Variants in SGCZ observed in about 807,000 individuals in gnomAD.
SGCZ encodes the protein sarcoglycan zeta.
Under a neutral mutation model 41.3 loss-of-function variants are expected in SGCZ, and 40 were observed. The ratio of observed to expected loss-of-function variants is 0.97; its 90% confidence interval spans 0.75 to 1.26. The LOEUF (loss-of-function observed/expected upper bound fraction) is 1.26. Among genes scored for constraint, SGCZ ranks in the 50% most tolerant of loss-of-function variants. SGCZ has a pLI of 0.00. For missense variants in SGCZ, 552 were observed against 369.8 expected, an observed-to-expected ratio of 1.49 and a Z score of -4.04; for synonymous variants, 206 against 137.5, an observed-to-expected ratio of 1.50 and a Z score of -3.49.
chr8:15,085,796 AT>A (rs1252170139), intron 1 of SGCZ, among the ~76,000 whole-genome samples: 2 of 152,022 alleles, frequency 1.3e-5, no homozygotes, highest in African/African-American at 2.4e-5. Context: ...TCCTGTCTAC[AT>A]TTTGCCAAGT....
intron 1 of SGCZ, among the ~76,000 whole-genome samples, chr8:14,754,940 A>C (rs1216122294): frequency 2.0e-5 from 3 of 152,128 alleles, no homozygotes; most frequent in Non-Finnish European, 4.4e-5. Flanking sequence ...CATTTTGCCC[A>C]GAATGGTCTC....
intron 1 of SGCZ, among the ~76,000 whole-genome samples, chr8:14,984,869 C>T (rs1189139645): frequency 1.3e-5 from 2 of 152,094 alleles, no homozygotes; most frequent in African/African-American, 4.8e-5. Flanking sequence ...AATTTTGTTG[C>T]TGTAGTTGAC....
chr8:14,245,257 A>T (rs1318115350), intron 3 of SGCZ, among the ~76,000 whole-genome samples: 2 of 152,170 alleles, frequency 1.3e-5, no homozygotes, highest in East Asian at 3.9e-4. Flanking sequence ...ATATAGATCA[A>T]TGGAACAGAA....
chr8:15,227,252 T>A (rs1801806555), intron 1 of SGCZ, among the ~76,000 whole-genome samples: 2 of 152,240 alleles, frequency 1.3e-5, no homozygotes, highest in South Asian at 4.1e-4. Flanking sequence ...ATACAAATTT[T>A]ATGTATAAAC....
chr8:14,387,172 T>G (rs575134553), intron 2 of SGCZ, among the ~76,000 whole-genome samples: 1 of 152,278 alleles, frequency 6.6e-6, no homozygotes, highest in Non-Finnish European at 1.5e-5. Flanking sequence ...CTCAGCCTCC[T>G]GAGTAGCTAG....
chr8:14,377,512 T>TA (rs1297442017), intron 2 of SGCZ, among the ~76,000 whole-genome samples: 1 of 151,850 alleles, frequency 6.6e-6, no homozygotes, highest in Non-Finnish European at 1.5e-5. Context: ...ATTATTTTTA[T>TA]TTTTTTTGTT....
intron 2 of SGCZ, among the ~76,000 whole-genome samples, chr8:14,424,286 C>G (rs569667291): frequency 6.6e-6 from 1 of 152,168 alleles, no homozygotes; most frequent in South Asian, 2.1e-4. Flanking sequence ...TAGTTTTTCT[C>G]ATTATAATAA....
At chr8:15,189,231 A>G (rs550270840) in intron 1 of SGCZ, among the ~76,000 whole-genome samples, 1 of 152,324 alleles carries the variant, frequency 6.6e-6, no homozygotes, top group East Asian at 1.9e-4. Context: ...TTGGAAGGTC[A>G]ATTTTGTCAG....
intron 2 of SGCZ, among the ~76,000 whole-genome samples, chr8:14,430,023 T>A (rs1421784562): frequency 6.6e-6 from 1 of 152,168 alleles, no homozygotes; most frequent in East Asian, 1.9e-4. Context: ...TCATTTCTAA[T>A]TGAGCTTATT....
chr8:14,657,148 C>T (rs997721070), intron 1 of SGCZ, among the ~76,000 whole-genome samples: 1 of 151,862 alleles, frequency 6.6e-6, no homozygotes, highest in African/African-American at 2.4e-5. Context: ...GGATTTTGAT[C>T]TTCCTTTTGT....
intron 1 of SGCZ, among the ~76,000 whole-genome samples, chr8:15,189,614 G>A (rs534552144): frequency 1.4e-4 from 21 of 151,694 alleles, no homozygotes; most frequent in Non-Finnish European, 2.4e-4. Context: ...AGGCTAGAGC[G>A]CAATGGCACA....
chr8:14,377,047 CATG>C (rs1804158396), intron 2 of SGCZ, among the ~76,000 whole-genome samples: 4 of 152,098 alleles, frequency 2.6e-5, no homozygotes, highest in Admixed American at 2.0e-4. Context: ...TATCTGAGCT[CATG>C]ATAAGAAGGT....
intron 1 of SGCZ, among the ~76,000 whole-genome samples, chr8:14,602,068 C>G (rs936201137): frequency 2.0e-5 from 3 of 151,776 alleles, no homozygotes; most frequent in African/African-American, 7.3e-5. Context: ...TGCAGTGAGC[C>G]GAGATTGCGC....
chr8:14,767,534 T>C (rs565038086), intron 1 of SGCZ, among the ~76,000 whole-genome samples: 1 of 152,338 alleles, frequency 6.6e-6, no homozygotes, highest in African/African-American at 2.4e-5. Context: ...TGATGAGGAA[T>C]GCAGATTGTA....
rs565985597 is a variant in SGCZ at position 14,202,761 on chromosome 8, A to C, written c.424+34831T>G. Among the ~76,000 whole-genome samples the C allele has an allele frequency of 6.5e-4, 99 of 152,258 alleles. 2 individuals are homozygous for C. Among genetic ancestry groups the C allele is most frequent in the Admixed American group, 4.5e-3 (68 of 15,280 alleles). On this transcript the variant is annotated intron_variant, in intron 4 of 7. Transcript: ENST00000382080. ...TTACAAAGTCATCTTCTTCCTTCCT[A>C]AACAGATCTCTCCTGACACATTTTA... is the stretch of plus-strand genomic sequence containing the variant.
chr8:14,345,910 GC>G (rs1466727928), intron 2 of SGCZ, among the ~76,000 whole-genome samples: 1 of 152,032 alleles, frequency 6.6e-6, no homozygotes, highest in African/African-American at 2.4e-5. Flanking sequence ...ATCAGTGGTT[GC>G]CAAGAATTCA....
intron 2 of SGCZ, among the ~76,000 whole-genome samples, chr8:14,458,218 A>C (rs1404915165): frequency 6.6e-6 from 1 of 152,212 alleles, no homozygotes; most frequent in East Asian, 1.9e-4. Context: ...AATTAAATAC[A>C]AATATTTTAA....
rs1801513348 is a variant in SGCZ at position 14,086,025 on chromosome 8, C to T, written c.*4418G>A. Among the ~76,000 whole-genome samples the T allele has an allele frequency of 6.6e-6, 1 of 151,664 alleles. No individual in the cohort carries two copies. Among genetic ancestry groups the T allele is most frequent in the Non-Finnish European group, 1.5e-5 (1 of 67,738 alleles). ...AGTTTATGATTATTTAAAATGAATA[C>T]AAATGCAAATTTCCTTTGTGATAAT... On this transcript the variant is annotated 3_prime_UTR_variant, in exon 8 of 8. Transcript: ENST00000382080.
rs191562525 is a variant in SGCZ at position 14,351,484 on chromosome 8, T to C, written c.235-27280A>G. Among the ~76,000 whole-genome samples the C allele has an allele frequency of 1.0e-3, 156 of 151,942 alleles. No homozygotes were observed. In the Middle Eastern group the frequency reaches 0.014, roughly 13 times the overall value. On this transcript the variant is annotated intron_variant, in intron 2 of 7. Transcript: ENST00000382080. Reference sequence around the variant, plus strand: ...AATTTTAAATGTTTACTTTGTCTGATTGCATTATTTTACCCAGTGTTTGAA... The same window carrying C: ...AATTTTAAATGTTTACTTTGTCTGACTGCATTATTTTACCCAGTGTTTGAA...
Sources: allele counts gnomAD v4.1 joint callset (sites outside exome capture counted in the v4.1 genomes callset), GRCh38; gene constraint gnomAD v4.1.1; transcripts MANE v1.5; gene names NCBI Gene and HGNC (gene_info 2026-07-23, HGNC 2026-07-21).